The following NRXN3 variants were observed in gnomAD, a reference collection of about 807,000 sequenced individuals.
The protein encoded by NRXN3 is neurexin 3.
NRXN3 carries 32 observed loss-of-function variants against 137.6 expected under a neutral mutation model. The ratio of observed to expected loss-of-function variants is 0.23; its 90% CI spans 0.18 to 0.31. NRXN3 has a LOEUF of 0.31. Among genes scored for constraint, NRXN3 ranks in the 10% least tolerant of loss-of-function variants. NRXN3 has a pLI of 1.00. For synonymous variants in NRXN3, 798 were observed against 784.5 expected (o/e 1.02, Z -0.29); for missense variants, 1,574 against 2,062.5 (o/e 0.76, Z 4.59).
At chr14:79,042,034 A>G (rs1173782161) in intron 15 of NRXN3, among the ~76,000 whole-genome samples, 1 of 152,226 alleles carries the variant, frequency 6.6e-6, no homozygotes, top group African/African-American at 2.4e-5. Context: ...AGAAACAGAT[A>G]TGCCTAGCAA....
chr14:79,569,064 T>C (rs1403606310), intron 16 of NRXN3, among the ~76,000 whole-genome samples: 1 of 152,114 alleles, frequency 6.6e-6, no homozygotes, highest in Non-Finnish European at 1.5e-5. Context: ...TGATCTGACT[T>C]TAAGATGTCA....
intron 10 of NRXN3, among the ~76,000 whole-genome samples, chr14:78,934,899 A>G (rs937920078): frequency 1.3e-5 from 2 of 151,888 alleles, no homozygotes; most frequent in African/African-American, 4.8e-5. Flanking sequence ...AACATGGCAC[A>G]TGTATACATA....
At chr14:79,070,852 T>G (rs556222455) in intron 15 of NRXN3, among the ~76,000 whole-genome samples, 105 of 152,268 alleles carry the variant, frequency 6.9e-4, no homozygotes, top group African/African-American at 1.6e-3. Flanking sequence ...TTTACAAAGA[T>G]TTGCTTTCAG....
chr14:78,429,958 G>A (rs1427865087), intron 4 of NRXN3, among the ~76,000 whole-genome samples: 2 of 152,226 alleles, frequency 1.3e-5, no homozygotes, highest in East Asian at 3.8e-4. Context: ...GATGGGCTGA[G>A]CATGGTGGGT....
chr14:79,431,794 G>A (rs1052118203), intron 15 of NRXN3, among the ~76,000 whole-genome samples: 4 of 152,000 alleles, frequency 2.6e-5, no homozygotes, highest in Non-Finnish European at 4.4e-5. Flanking sequence ...ACTCTACGCA[G>A]TATTAAGTTC....
At chr14:78,751,001 C>T (rs955131301) in intron 8 of NRXN3, among the ~76,000 whole-genome samples, 11 of 152,096 alleles carry the variant, frequency 7.2e-5, no homozygotes, top group East Asian at 5.8e-4. Flanking sequence ...CCTACCAAAG[C>T]GGGGAGGCCG....
chr14:79,273,726 T>G (rs927896942), intron 15 of NRXN3, among the ~76,000 whole-genome samples: 5 of 152,132 alleles, frequency 3.3e-5, no homozygotes, highest in Admixed American at 6.5e-5. Context: ...TGTATTAACT[T>G]TAAACTTGAC....
chr14:79,286,203 G>A (rs988496950), intron 15 of NRXN3, among the ~76,000 whole-genome samples: 1 of 151,958 alleles, frequency 6.6e-6, no homozygotes, highest in Non-Finnish European at 1.5e-5. Flanking sequence ...ACCTAGACCT[G>A]CTACCCTTCT....
intron 15 of NRXN3, among the ~76,000 whole-genome samples, chr14:79,067,635 T>A (rs371996617): frequency 3.3e-5 from 5 of 152,198 alleles, no homozygotes; most frequent in African/African-American, 1.2e-4. Context: ...ACTGCCTCAA[T>A]TTCAGAACGT....
chr14:79,627,026 T>C (rs181503071), intron 16 of NRXN3, among the ~76,000 whole-genome samples: 1 of 152,102 alleles, frequency 6.6e-6, no homozygotes, highest in Non-Finnish European at 1.5e-5. Context: ...AAATCCTCTA[T>C]CAATATGACA....
chr14:78,990,331 A>G (rs1054406881), intron 15 of NRXN3, among the ~76,000 whole-genome samples: 10 of 148,802 alleles, frequency 6.7e-5, no homozygotes, highest in Non-Finnish European at 1.3e-4. Context: ...ATAGATACAT[A>G]GATACATGCA....
chr14:78,325,119 A>G (rs559245676), intron 4 of NRXN3, among the ~76,000 whole-genome samples: 32 of 152,172 alleles, frequency 2.1e-4, no homozygotes, highest in African/African-American at 6.3e-4. Flanking sequence ...ATCTGCAAAC[A>G]TTAAAAAATT....
intron 4 of NRXN3, among the ~76,000 whole-genome samples, chr14:78,339,813 C>G (rs2081952772): frequency 6.6e-6 from 1 of 152,068 alleles, no homozygotes; most frequent in Admixed American, 6.6e-5. Context: ...TCTGGAATTC[C>G]TGAAGAAAAG....
chr14:78,437,168 T>C (rs1298912450), intron 4 of NRXN3, among the ~76,000 whole-genome samples: 4 of 152,124 alleles, frequency 2.6e-5, no homozygotes, highest in Non-Finnish European at 5.9e-5. Context: ...CTGAAGGTAT[T>C]GTTATTATTA....
chr14:78,373,539 A>G (rs1199832607), intron 4 of NRXN3, among the ~76,000 whole-genome samples: 2 of 152,192 alleles, frequency 1.3e-5, no homozygotes, highest in Non-Finnish European at 2.9e-5. Context: ...CCTGCAAACT[A>G]CAGCTGTTCA....
In NRXN3 at chr14:79,062,646, T is replaced by G. The variant is rs566561066; in HGVS notation, c.3262+74505T>G. Among the ~76,000 whole-genome samples the G allele has an allele frequency of 3.9e-5, 6 of 152,298 alleles. No homozygotes were observed. The South Asian group carries it at 1.2e-3, about 32-fold the overall frequency. ...GTCTCTGGTGCTTGTGCAGATCAGTTGACAATGGTTTATAGCTTTTCTACC... is the reference window on the plus strand; with the variant it reads ...GTCTCTGGTGCTTGTGCAGATCAGTGGACAATGGTTTATAGCTTTTCTACC... On this transcript the variant is annotated intron_variant, in intron 15 of 20. Coordinates refer to ENST00000335750, the MANE Select transcript of NRXN3 (RefSeq NM_001330195.2).
At chr14:78,195,319 A>T (rs577858971) in intron 1 of NRXN3, among the ~76,000 whole-genome samples, 4 of 152,166 alleles carry the variant, frequency 2.6e-5, no homozygotes, top group African/African-American at 7.2e-5. Context: ...TGGTTTGTTC[A>T]TTCGTTCGTT....
chr14:78,413,988 T>C (rs2092987474), intron 4 of NRXN3, among the ~76,000 whole-genome samples: 2 of 152,168 alleles, frequency 1.3e-5, no homozygotes, highest in African/African-American at 4.8e-5. Context: ...AGTCGTTTTA[T>C]AAAAGAGAGT....
At chr14:79,829,722 G>C (rs1003885756) in intron 20 of NRXN3, among the ~76,000 whole-genome samples, 2 of 152,154 alleles carry the variant, frequency 1.3e-5, no homozygotes, top group African/African-American at 4.8e-5. Flanking sequence ...GAAAGAGATT[G>C]CAAGTGAGTA....
Sources: allele counts gnomAD v4.1 joint callset (sites outside exome capture counted in the v4.1 genomes callset), GRCh38; gene constraint gnomAD v4.1.1; transcripts MANE v1.5; gene names NCBI Gene and HGNC (gene_info 2026-07-23, HGNC 2026-07-21).